PIGF: variants seen among roughly 807,000 people sequenced by gnomAD.
PIGF encodes the protein phosphatidylinositol glycan anchor biosynthesis class F.
Under a neutral mutation model 26.0 loss-of-function variants are expected in PIGF, and 23 were observed. The observed-to-expected ratio is 0.88, with a 90% CI of 0.64 to 1.25. The LOEUF (loss-of-function observed/expected upper bound fraction) is 1.25, where lower values mean the gene tolerates loss of function less well. Ranked by LOEUF, PIGF falls within the 50% of genes most tolerant of loss-of-function variation. PIGF has a pLI of 0.00. For synonymous variants in PIGF, 93 were observed against 92.6 expected (o/e 1.00, Z -0.03); for missense variants, 278 against 249.9 (o/e 1.11, Z -0.76).
intron 4 of PIGF, among the ~76,000 whole-genome samples, chr2:46,602,022 GA>G (rs1670075349): frequency 6.7e-6 from 1 of 148,732 alleles, no homozygotes; most frequent in Admixed American, 6.6e-5. Flanking sequence ...TCCTTTATAA[GA>G]AAGTCTGCAA....
chr2:46,593,267 G>A (rs1490231073), intron 4 of PIGF, among the ~76,000 whole-genome samples: 2 of 151,824 alleles, frequency 1.3e-5, no homozygotes, highest in African/African-American at 2.4e-5. Flanking sequence ...TGAGTAGCTG[G>A]GATTACAGGT....
At chr2:46,598,993 T>C (rs1046229966) in intron 4 of PIGF, among the ~76,000 whole-genome samples, 1 of 152,176 alleles carries the variant, frequency 6.6e-6, no homozygotes, top group Non-Finnish European at 1.5e-5. Flanking sequence ...CAGTACCATT[T>C]TCCCTCGAAA....
At chr2:46,594,844 T>TC (rs1472248551) in intron 4 of PIGF, among the ~76,000 whole-genome samples, 1 of 149,794 alleles carries the variant, frequency 6.7e-6, no homozygotes, top group Non-Finnish European at 1.5e-5. Flanking sequence ...CTCACCGTTT[T>TC]TTTTTTTGTT....
intron 3 of PIGF, among the ~76,000 whole-genome samples, chr2:46,613,069 T>C (rs1239085250): frequency 1.4e-5 from 2 of 148,116 alleles, no homozygotes; most frequent in South Asian, 4.3e-4. Flanking sequence ...TAAAATGGTA[T>C]ACTTAGCAAC....
chr2:46,593,210 G>A (rs1178482112), intron 4 of PIGF, among the ~76,000 whole-genome samples: 1 of 147,772 alleles, frequency 6.8e-6, no homozygotes, highest in Non-Finnish European at 1.5e-5. Flanking sequence ...TCGGCTCACT[G>A]CAACCTCAGC....
chr2:46,581,454 A>G lies in PIGF; in HGVS notation c.*24T>C. 1 of 1,606,006 alleles carries G rather than the reference A, an allele frequency of 6.2e-7. No homozygotes were observed. The highest frequency in any genetic ancestry group is 8.5e-7 in the Non-Finnish European group (1 of 1,176,524). ...GCCCAGCCCTTACAGAATCTGCACA[A>G]AGAAATATCTCCCTTTGCTCCAGTT... On this transcript the variant is annotated 3_prime_UTR_variant, in exon 6 of 6. Transcript: ENST00000281382.
At chr2:46,602,578 T>TA (rs770081150) in intron 4 of PIGF, among the ~76,000 whole-genome samples, 24 of 151,408 alleles carry the variant, frequency 1.6e-4, no homozygotes, top group African/African-American at 5.3e-4. Context: ...GTCTTTAAGT[T>TA]AAAAAAAATA....
chr2:46,591,436 T>C (rs1669719369), intron 5 of PIGF: 2 of 505,020 alleles, frequency 4.0e-6, no homozygotes, highest in African/African-American at 2.1e-5. Flanking sequence ...TAAATAAATA[T>C]ACATTATCTT....
intron 5 of PIGF, among the ~76,000 whole-genome samples, chr2:46,584,215 C>A (rs1669495026): frequency 6.6e-6 from 1 of 152,114 alleles, no homozygotes; most frequent in African/African-American, 2.4e-5. Flanking sequence ...AAATACTATG[C>A]ATAGTTTACT....
intron 3 of PIGF, among the ~76,000 whole-genome samples, chr2:46,613,227 T>C (rs1364873420): frequency 6.6e-6 from 1 of 152,096 alleles, no homozygotes; most frequent in Non-Finnish European, 1.5e-5. Flanking sequence ...TTGAAATTTG[T>C]CAGTTCAGAA....
At chr2:46,605,919 G>A (rs1041174715) in intron 4 of PIGF, among the ~76,000 whole-genome samples, 2 of 152,140 alleles carry the variant, frequency 1.3e-5, no homozygotes, top group Admixed American at 1.3e-4. Context: ...GCTATTTCAT[G>A]TCATGTGCTA....
intron 3 of PIGF, 38 bp from the exon 4 acceptor site, chr2:46,612,382 A>G (rs776070511): frequency 5.5e-6 from 4 of 722,972 alleles, no homozygotes; most frequent in Admixed American, 3.0e-5. Flanking sequence ...AAAAAGTGTT[A>G]AAGGTAAACA....
intron 1 of PIGF, chr2:46,615,785 G>A (rs1670598357): frequency 6.6e-6 from 1 of 151,910 alleles, no homozygotes; most frequent in South Asian, 2.1e-4. Context: ...CTAAACCAAG[G>A]GATCCCAATG....
At chr2:46,586,735 A>C (rs1475862773) in intron 5 of PIGF, among the ~76,000 whole-genome samples, 1 of 152,240 alleles carries the variant, frequency 6.6e-6, no homozygotes, top group East Asian at 1.9e-4. Flanking sequence ...ATAATCATTT[A>C]TATTCTCCTC....
chr2:46,591,799 T>C lies in PIGF; in HGVS notation c.546+676A>G. ...TGTAAAATGGGTATAAAAAGAGCACTTACCTCACAGTGCTTTACCTAGCAT... is the reference window on the plus strand; with the variant it reads ...TGTAAAATGGGTATAAAAAGAGCACCTACCTCACAGTGCTTTACCTAGCAT... On this transcript the variant is annotated intron_variant, in intron 5 of 5. Coordinates refer to ENST00000281382, the MANE Select transcript of PIGF (RefSeq NM_002643.4). 2.4e-6 allele frequency: 3 copies of C among 1,274,690 alleles called. No homozygotes were observed. In the South Asian group the frequency reaches 3.9e-5, roughly 16 times the overall value. 79.0% of individuals were successfully genotyped at this position (1,274,690 alleles called of 1,614,324 possible).
At chr2:46,592,683 G>A (rs1572771065) in intron 4 of PIGF, 100 bp from the exon 5 acceptor site, 1 of 615,706 alleles carries the variant, frequency 1.6e-6, no homozygotes, top group Non-Finnish European at 3.0e-6. Flanking sequence ...TATATTTCCT[G>A]CTAATTTAAA....
Position 46,615,072 on chromosome 2 carries a change from C to T in PIGF, c.93G>A (p.Leu31=). ...ILSVFIPSLF[L]ENFSILETHL... ...GTGTTTCCAATATTGAGAAGTTCTC[C>T]AAGAAGAGTGATGGAATGAAGACAC... The change falls in exon 2 of 6, where the codon TTG becomes TTA. Residue 31 remains leucine, a synonymous_variant. Coordinates refer to ENST00000281382, the MANE Select transcript of PIGF (RefSeq NM_002643.4). 2 of 1,595,240 alleles carry T rather than the reference C, an allele frequency of 1.3e-6. No individual in the cohort carries two copies. The highest frequency in any genetic ancestry group is 1.7e-6 in the Non-Finnish European group (2 of 1,162,994).
At chr2:46,614,880 C>T (rs763617490) in intron 2 of PIGF, 57 bp downstream of exon 2, 17 of 764,730 alleles carry the variant, frequency 2.2e-5, no homozygotes, top group Middle Eastern at 4.7e-4. Flanking sequence ...CTTTATTCTT[C>T]CATTAAAAGA....
chr2:46,613,803 A>G lies in PIGF; in HGVS notation c.229-18T>C. The G allele has an allele frequency of 6.6e-7, 1 of 1,516,924 alleles. No individual in the cohort carries two copies. Among genetic ancestry groups the G allele is most frequent in the Non-Finnish European group, 9.0e-7 (1 of 1,113,450 alleles). 94.0% of individuals were successfully genotyped at this position (1,516,924 alleles called of 1,614,324 possible). A position where few individuals can be genotyped will look rare whatever the true frequency, so the allele number is the denominator to read the frequency against. On this transcript the variant is annotated intron_variant, in intron 2 of 5. Transcript: ENST00000281382. Reference sequence around the variant, plus strand: ...CCAGTTACCTAAAAGAGAAATGAATAACCTGAAGATTCAAGATAATGCTTA... The same window carrying G: ...CCAGTTACCTAAAAGAGAAATGAATGACCTGAAGATTCAAGATAATGCTTA...
Sources: gnomAD v4.1 joint callset for allele counts (sites outside exome capture counted in the v4.1 genomes callset) on GRCh38, gnomAD v4.1.1 for gene constraint, MANE v1.5 for transcripts, NCBI Gene and HGNC (gene_info 2026-07-23, HGNC 2026-07-21) for gene names.